Variants in PIBF1 observed in about 807,000 individuals in gnomAD.
The protein encoded by PIBF1 is progesterone immunomodulatory binding factor 1.
In PIBF1, 90 loss-of-function variants were observed where a neutral mutation model predicts 112.5. That is an observed-to-expected ratio of 0.80 (90% CI 0.67 to 0.95). The LOEUF (loss-of-function observed/expected upper bound fraction) is 0.95. PIBF1 is among the 40% of genes least tolerant of loss of function. The pLI, the probability that PIBF1 is intolerant of heterozygous loss-of-function variation, is 0.00. For synonymous variants in PIBF1, 301 were observed against 288.6 expected (o/e 1.04, Z -0.44); for missense variants, 915 against 852.3 (o/e 1.07, Z -0.92).
chr13:72,987,866 T>TTATTTA lies in PIBF1; in HGVS notation c.2050-10955_2050-10954insATTTAT, dbSNP rs1566522345. The stretch of plus-strand genomic sequence containing the variant: ...TATTTATTTATTTATTTATTTTTTT[T>TTATTTA]TTTTTTTTTTTTTTTGAGGCAGAGT... On this transcript the variant is annotated intron_variant, in intron 16 of 17. Coordinates refer to ENST00000326291, the MANE Select transcript of PIBF1 (RefSeq NM_006346.4). Among the ~76,000 whole-genome samples, 236 of 98,088 alleles carry TTATTTA rather than the reference T, an allele frequency of 2.4e-3. 1 individual carries two copies. The highest frequency in any genetic ancestry group is 9.6e-3 in the African/African-American group (222 of 23,022). 64.3% of individuals were successfully genotyped at this position (98,088 alleles called of 152,430 possible).
At chr13:72,965,540 C>T (rs895958453) in intron 15 of PIBF1, 136 bp downstream of exon 15, 1 of 671,864 alleles carries the variant, frequency 1.5e-6, no homozygotes, top group Non-Finnish European at 2.4e-6. Context: ...GAATATTAAA[C>T]TTTTCTTAGA....
At chr13:72,814,392 C>T (rs1468687188) in intron 5 of PIBF1, among the ~76,000 whole-genome samples, 5 of 147,394 alleles carry the variant, frequency 3.4e-5, no homozygotes, top group Non-Finnish European at 5.9e-5. Flanking sequence ...GCCGAGATTG[C>T]GCCATTGCAC....
chr13:72,923,693 G>A (rs781457775), intron 13 of PIBF1, among the ~76,000 whole-genome samples: 26 of 152,144 alleles, frequency 1.7e-4, no homozygotes, highest in Admixed American at 2.6e-4. Flanking sequence ...GGCCAGGCAC[G>A]GTGGCTCACG....
At chr13:72,791,322 G>A (rs199732935) in intron 2 of PIBF1, among the ~76,000 whole-genome samples, 1 of 152,088 alleles carries the variant, frequency 6.6e-6, no homozygotes, top group East Asian at 1.9e-4. Context: ...CCAAAGTGCT[G>A]GGATTACAGG....
intron 5 of PIBF1, among the ~76,000 whole-genome samples, chr13:72,816,915 C>A (rs997364113): frequency 2.6e-5 from 4 of 151,976 alleles, no homozygotes; most frequent in Non-Finnish European, 4.4e-5. Context: ...GCAAAACAGA[C>A]TTCATTGTGG....
intron 12 of PIBF1, among the ~76,000 whole-genome samples, chr13:72,914,900 A>G (rs1446876515): frequency 6.6e-6 from 1 of 152,144 alleles, no homozygotes; most frequent in Non-Finnish European, 1.5e-5. Flanking sequence ...CATTATTTGC[A>G]TTTCCTCTTT....
Position 72,827,852 on chromosome 13 carries a change from A to C in PIBF1, c.1035A>C (p.Gln345His), listed in dbSNP as rs199857463. The C allele has an allele frequency of 2.9e-5, 47 of 1,595,222 alleles. No homozygotes were observed. The highest frequency in any genetic ancestry group is 3.4e-5 in the Non-Finnish European group (40 of 1,170,638). Residue 345 changes from glutamine to histidine, a missense_variant, in exon 8 of 18, where the codon CAA becomes CAC. Gln to His is a conservative substitution (Grantham distance 24). Transcript: ENST00000326291. The part of the protein sequence containing the change: ...AHEEDRLERL[Q>H]AQLEESKKAR... ...AAGAGGATCGCCTTGAAAGACTTCA[A>C]GCTCAACTGGAAGAAAGCAAAAAGG...
chr13:72,881,441 G>C (rs975658432), intron 10 of PIBF1, among the ~76,000 whole-genome samples: 1 of 152,158 alleles, frequency 6.6e-6, no homozygotes, highest in African/African-American at 2.4e-5. Context: ...GAAGTGGCCG[G>C]GTGCAGTGGC....
At chr13:72,875,548 C>G (rs550538568) in intron 10 of PIBF1, among the ~76,000 whole-genome samples, 4 of 152,232 alleles carry the variant, frequency 2.6e-5, no homozygotes, top group African/African-American at 7.2e-5. Context: ...CGGTATGCAT[C>G]TCCACCAGCA....
intron 12 of PIBF1, among the ~76,000 whole-genome samples, chr13:72,913,489 A>G (rs1384462101): frequency 6.6e-6 from 1 of 152,180 alleles, no homozygotes; most frequent in South Asian, 2.1e-4. Context: ...TAGAATCCAG[A>G]TGTTGGAGCC....
intron 10 of PIBF1, among the ~76,000 whole-genome samples, chr13:72,890,580 A>C (rs2040019179): frequency 1.3e-5 from 2 of 152,156 alleles, no homozygotes; most frequent in South Asian, 4.1e-4. Context: ...GGTTGTGAGA[A>C]TAGGTGGAGA....
chr13:72,876,108 C>T (rs2039385434), intron 10 of PIBF1, among the ~76,000 whole-genome samples: 2 of 131,132 alleles, frequency 1.5e-5, no homozygotes, highest in Admixed American at 1.6e-4. Flanking sequence ...TTAATTTTTG[C>T]AAAGGTGTAA....
chr13:72,847,756 T>C (rs2037938342), intron 9 of PIBF1, among the ~76,000 whole-genome samples: 1 of 152,228 alleles, frequency 6.6e-6, no homozygotes, highest in Admixed American at 6.5e-5. Flanking sequence ...TATGTCCTGC[T>C]CATTAACTTT....
intron 16 of PIBF1, among the ~76,000 whole-genome samples, chr13:72,992,788 G>T (rs2043521624): frequency 6.6e-6 from 1 of 152,022 alleles, no homozygotes; most frequent in Non-Finnish European, 1.5e-5. Context: ...CTGGGTGATA[G>T]AGCCAGACCT....
intron 9 of PIBF1, among the ~76,000 whole-genome samples, chr13:72,843,181 G>C (rs535423066): frequency 6.6e-6 from 1 of 152,224 alleles, no homozygotes; most frequent in African/African-American, 2.4e-5. Flanking sequence ...TTGCAATGCG[G>C]GGTGGATTAT....
At chr13:72,935,781 G>A (rs912930592) in intron 14 of PIBF1, among the ~76,000 whole-genome samples, 3 of 152,014 alleles carry the variant, frequency 2.0e-5, no homozygotes, top group Non-Finnish European at 2.9e-5. Flanking sequence ...CTCTAATGAC[G>A]AATGATTTTG....
At chr13:72,869,959 ATC>A (rs2039094073) in intron 10 of PIBF1, among the ~76,000 whole-genome samples, 2 of 152,282 alleles carry the variant, frequency 1.3e-5, no homozygotes, top group South Asian at 2.1e-4. Context: ...TGAAAAAGTT[ATC>A]TTTTTTCTTT....
intron 14 of PIBF1, among the ~76,000 whole-genome samples, chr13:72,958,759 G>A (rs181672066): frequency 6.6e-6 from 1 of 152,274 alleles, no homozygotes; most frequent in Non-Finnish European, 1.5e-5. Context: ...TGTTAATCAC[G>A]TGGGAACATG....
At chr13:72,826,260 T>A (rs1429744587) in intron 6 of PIBF1, among the ~76,000 whole-genome samples, 2 of 152,172 alleles carry the variant, frequency 1.3e-5, no homozygotes, top group Non-Finnish European at 2.9e-5. Context: ...GCTCAGTTTT[T>A]CTTCAATAAA....
Sources: allele counts gnomAD v4.1 joint callset (sites outside exome capture counted in the v4.1 genomes callset), GRCh38; gene constraint gnomAD v4.1.1; transcripts MANE v1.5; gene names NCBI Gene and HGNC (gene_info 2026-07-23, HGNC 2026-07-21).